The following ESYT2 variants were observed in gnomAD, a reference collection of about 807,000 sequenced individuals.
ESYT2 encodes the protein extended synaptotagmin-2.
In ESYT2, 54 loss-of-function variants were observed where a neutral mutation model predicts 107.2. The ratio of observed to expected loss-of-function variants is 0.50; its 90% CI spans 0.40 to 0.63. The LOEUF (loss-of-function observed/expected upper bound fraction) is 0.63. Among genes scored for constraint, ESYT2 ranks in the 30% least tolerant of loss-of-function variants. The pLI is 0.00. For missense variants in ESYT2, 1,020 were observed against 1,094.5 expected, an observed-to-expected ratio of 0.93 and a Z score of 0.96; for synonymous variants, 491 against 434.1, an observed-to-expected ratio of 1.13 and a Z score of -1.63.
At position 158,754,363 on chromosome 7, in the gene ESYT2, C is replaced by A. The variant is rs562948540; in HGVS notation, c.1420-1520G>T. Among the ~76,000 whole-genome samples, 3 of 152,040 alleles carry A rather than the reference C, an allele frequency of 2.0e-5. No individual in the cohort carries two copies. In the South Asian group the frequency reaches 6.2e-4, roughly 32 times the overall value. On this transcript the variant is annotated intron_variant, in intron 13 of 22. Coordinates refer to ENST00000275418, the MANE Select transcript of ESYT2 (RefSeq NM_001367773.1). ...CTGGGACTACAGGCATGCACCACCA[C>A]ACCCGGCTAATTTTTTGTATTTTTT...
At chr7:158,816,416 A>G (rs1021121427) in intron 1 of ESYT2, among the ~76,000 whole-genome samples, 2 of 152,222 alleles carry the variant, frequency 1.3e-5, no homozygotes, top group African/African-American at 4.8e-5. Flanking sequence ...AGAAAGCAGA[A>G]TGGCCCCATG....
chr7:158,806,151 A>G (rs62475596), intron 1 of ESYT2, among the ~76,000 whole-genome samples: 19,432 of 134,674 alleles, frequency 0.14, 1,428 homozygotes, highest in African/African-American at 0.23. Context: ...CACACCGCGT[A>G]GGAGGCGCTG....
intron 6 of ESYT2, among the ~76,000 whole-genome samples, chr7:158,781,982 G>A (rs1279022242): frequency 5.3e-5 from 1 of 18,988 alleles, no homozygotes; most frequent in Admixed American, 4.5e-4. Context: ...CAAAGTGTGA[G>A]ATGTGTGTAA....
In ESYT2 at chr7:158,793,715, G is replaced by T; in HGVS notation, c.519C>A (p.Ile173=). The change falls in exon 4 of 23, where the codon ATC becomes ATA. Residue 173 remains isoleucine (I), a synonymous_variant. Coordinates refer to ENST00000275418, the MANE Select transcript of ESYT2 (RefSeq NM_001367773.1). The part of the protein sequence containing the change: ...KVDVGQQPLR[I]NGVKVYTENV... ...TTTCAGTGTATACCTTAACACCATT[G>T]ATCCTGAGGGGCTGAAATAAGAAGT... The T allele has an allele frequency of 1.2e-6, 2 of 1,612,496 alleles. No homozygotes were observed. The highest frequency in any genetic ancestry group is 1.3e-5 in the African/African-American group (1 of 74,894).
At chr7:158,795,134 C>T (rs1388987105) in intron 3 of ESYT2, among the ~76,000 whole-genome samples, 1 of 152,170 alleles carries the variant, frequency 6.6e-6, no homozygotes, top group African/African-American at 2.4e-5. Flanking sequence ...GCAACATTGC[C>T]CAGCTGCCGG....
Position 158,738,890 on chromosome 7 carries a change from G to A in ESYT2, c.2267+133C>T, listed in dbSNP as rs114567346. On this transcript the variant is annotated intron_variant, in intron 19 of 22. Transcript: ENST00000275418. ...CCCTTTACGAGCACCGTCTCTAGAGGTTTAATTGCTTTGTCCTTTCTAAAT... is the reference window on the plus strand; with the variant it reads ...CCCTTTACGAGCACCGTCTCTAGAGATTTAATTGCTTTGTCCTTTCTAAAT... The A allele has an allele frequency of 2.0e-3, 1,806 of 920,292 alleles. 33 individuals carry two copies. The African/African-American group carries it at 0.028, about 14-fold the overall frequency. The allele number at this position is 920,292 out of a possible 1,614,324, so 57.0% of individuals were successfully genotyped here.
At chr7:158,758,756 C>T (rs563921997) in intron 13 of ESYT2, among the ~76,000 whole-genome samples, 1 of 152,314 alleles carries the variant, frequency 6.6e-6, no homozygotes, top group Admixed American at 6.5e-5. Flanking sequence ...AGGACCACAC[C>T]ACTATCCTCA....
At chr7:158,788,133 A>T (rs1402350101) in intron 5 of ESYT2, 40 bp from the exon 6 acceptor site, 1 of 1,534,586 alleles carries the variant, frequency 6.5e-7, no homozygotes, top group Non-Finnish European at 9.0e-7. Flanking sequence ...AATAGAAAAC[A>T]TTCTGCAGGG....
In ESYT2 at chr7:158,763,114, C is replaced by T; in HGVS notation, c.1153G>A (p.Glu385Lys). The T allele has an allele frequency of 6.2e-7, 1 of 1,613,076 alleles. No individual in the cohort carries two copies. The change falls in exon 10 of 23, where the codon GAA becomes AAA. Residue 385 changes from glutamate (E) to lysine (K), a missense_variant. Coordinates refer to ENST00000275418, the MANE Select transcript of ESYT2 (RefSeq NM_001367773.1). ...GQELEIELFDEDPDKDDFLGS... is the reference protein window; with the variant it reads ...GQELEIELFDKDPDKDDFLGS... ...AAAAAGTCATCCTTGTCTGGGTCTT[C>T]ATCAAAGAGCTCAATCTCTAATTCT...
At chr7:158,736,794 G>GGT (rs2129471148) in intron 20 of ESYT2, among the ~76,000 whole-genome samples, 1 of 152,294 alleles carries the variant, frequency 6.6e-6, no homozygotes, top group South Asian at 2.1e-4. Context: ...AGGGCCATCA[G>GGT]TAACCTGATC....
rs1251010215 is a variant in ESYT2, at chr7:158,767,665, G to C, written c.913C>G (p.Pro305Ala). The C allele has an allele frequency of 1.2e-6, 2 of 1,612,000 alleles. No individual in the cohort carries two copies. The highest frequency in any genetic ancestry group is 2.2e-5 in the South Asian group (2 of 90,660). Residue 305 changes from proline (P) to alanine (A), a missense_variant, in exon 8 of 23, where the codon CCT becomes GCT. Physicochemically the swap from Pro to Ala is conservative, Grantham distance 27. Transcript: ENST00000275418. ...CGGGACACGCTTACCTTTGGTACAG[G>C]AAACCGCAACTGAGCTATTTGAACT... is the stretch of plus-strand genomic sequence containing the variant. The part of the protein sequence containing the change: ...SEVQIAQLRF[P>A]VPKGVLRIHF...
At position 158,799,620 on chromosome 7, in the gene ESYT2, T is replaced by C. The variant is rs1044088758; in HGVS notation, c.331-548A>G. ...CTGCACCCTAGTCTGGACAACATAA[T>C]GAGACTCCATAAAATAAAGTAACAA... is the stretch of plus-strand genomic sequence containing the variant. On this transcript the variant is annotated intron_variant, in intron 1 of 22. Transcript: ENST00000275418. Among the ~76,000 whole-genome samples the C allele has an allele frequency of 7.9e-5, 12 of 152,130 alleles. 1 individual carries two copies. Among genetic ancestry groups the C allele is most frequent in the African/African-American group, 2.4e-4 (10 of 41,422 alleles).
intron 1 of ESYT2, among the ~76,000 whole-genome samples, chr7:158,809,912 G>A (rs1460752985): frequency 6.6e-6 from 1 of 152,206 alleles, no homozygotes; most frequent in African/African-American, 2.4e-5. Flanking sequence ...CCACTACATG[G>A]ATGCACTGGA....
At chr7:158,767,869 G>T in intron 7 of ESYT2, 95 bp from the exon 8 acceptor site, 1 of 1,423,236 alleles carries the variant, frequency 7.0e-7, no homozygotes, top group Non-Finnish European at 9.4e-7. Context: ...TATGATGTAA[G>T]TCCCATTTAT....
intron 1 of ESYT2, among the ~76,000 whole-genome samples, chr7:158,803,224 C>T (rs1839697590): frequency 6.6e-6 from 1 of 152,256 alleles, no homozygotes; most frequent in Admixed American, 6.5e-5. Flanking sequence ...AAAACACCAA[C>T]GTTCCTACAC....
intron 1 of ESYT2, among the ~76,000 whole-genome samples, chr7:158,815,207 C>G (rs1000260077): frequency 2.0e-5 from 3 of 152,218 alleles, no homozygotes; most frequent in East Asian, 1.9e-4. Flanking sequence ...GCTATCCACA[C>G]GGTCTTCCGC....
chr7:158,772,872 C>T (rs1405935721), intron 7 of ESYT2, among the ~76,000 whole-genome samples: 1 of 122,330 alleles, frequency 8.2e-6, no homozygotes, highest in African/African-American at 3.1e-5. Flanking sequence ...CAACCCATTT[C>T]AAAAAGGAAT....
intron 20 of ESYT2, among the ~76,000 whole-genome samples, chr7:158,735,870 G>A (rs1298371624): frequency 6.6e-6 from 1 of 152,146 alleles, no homozygotes; most frequent in Non-Finnish European, 1.5e-5. Flanking sequence ...ACTCACGGGT[G>A]GGTGAGGAGC....
chr7:158,768,501 C>A (rs1838240328), intron 7 of ESYT2, among the ~76,000 whole-genome samples: 1 of 152,220 alleles, frequency 6.6e-6, no homozygotes, highest in South Asian at 2.1e-4. Context: ...CTCACTGCAA[C>A]CTCCAGCTCC....
Sources: allele counts gnomAD v4.1 joint callset (sites outside exome capture counted in the v4.1 genomes callset), GRCh38; gene constraint gnomAD v4.1.1; transcripts MANE v1.5; gene names NCBI Gene and HGNC (gene_info 2026-07-23, HGNC 2026-07-21).